EPS8: variants seen among roughly 807,000 people sequenced by gnomAD.
The protein encoded by EPS8 is EGFR pathway substrate 8, signaling adaptor.
EPS8 carries 42 observed loss-of-function variants against 103.8 expected under a neutral mutation model. That is an observed-to-expected ratio of 0.40 (90% CI 0.32 to 0.52). EPS8 has a LOEUF of 0.52. Among genes scored for constraint, EPS8 ranks in the 20% least tolerant of loss-of-function variants. The pLI is 0.40. For synonymous variants in EPS8, 344 were observed against 344.6 expected, an observed-to-expected ratio of 1.00 and a Z score of 0.02; for missense variants, 969 against 1,005.1, an observed-to-expected ratio of 0.96 and a Z score of 0.49.
chr12:15,652,627 T>C (rs1209287692), intron 13 of EPS8, among the ~76,000 whole-genome samples: 1 of 152,212 alleles, frequency 6.6e-6, no homozygotes, highest in Non-Finnish European at 1.5e-5. Flanking sequence ...AACCAGTTTT[T>C]ATACAGTATA....
intron 3 of EPS8, among the ~76,000 whole-genome samples, chr12:15,673,997 C>A (rs1413213247): frequency 1.3e-5 from 2 of 152,058 alleles, no homozygotes; most frequent in Non-Finnish European, 2.9e-5. Flanking sequence ...ATTCAGTAAC[C>A]AACGATGAAA....
intron 17 of EPS8, among the ~76,000 whole-genome samples, chr12:15,637,113 T>C (rs1382465187): frequency 6.6e-6 from 1 of 152,226 alleles, no homozygotes; most frequent in Admixed American, 6.5e-5. Context: ...CCCTGCCTCC[T>C]GGGTTCAAGC....
chr12:15,774,124 T>C (rs887815425), intron 1 of EPS8, among the ~76,000 whole-genome samples: 13 of 151,752 alleles, frequency 8.6e-5, no homozygotes, highest in African/African-American at 2.9e-4. Flanking sequence ...TCTTCAAAAA[T>C]AACTAATTTT....
chr12:15,707,171 C>T (rs1946398447), intron 1 of EPS8, among the ~76,000 whole-genome samples: 1 of 152,134 alleles, frequency 6.6e-6, no homozygotes, highest in Admixed American at 6.5e-5. Context: ...GGGAACAAGT[C>T]TAACTTTTTT....
intron 6 of EPS8, among the ~76,000 whole-genome samples, chr12:15,667,212 G>T (rs80279996): frequency 0.062 from 9,407 of 151,988 alleles, 719 homozygotes; most frequent in African/African-American, 0.18. Context: ...TCTATGTTTG[G>T]GCCTCCCTGT....
chr12:15,771,797 T>C lies in EPS8; in HGVS notation c.-22+17364A>G, dbSNP rs1466389105. Among the ~76,000 whole-genome samples, 1 of 152,002 alleles carries C rather than the reference T, an allele frequency of 6.6e-6. No individual in the cohort carries two copies. The highest frequency in any genetic ancestry group is 1.5e-5 in the Non-Finnish European group (1 of 68,000). ...GTGGCTAACTCATTACAAAGAATTC[T>C]TTGTGGCAGTATTGAGAGCTAATTT... On this transcript the variant is annotated intron_variant, in intron 1 of 20. Transcript: ENST00000281172. The surrounding 1 kb of genome is among the most constrained non-coding windows in gnomAD (Gnocchi z 4.6).
At chr12:15,636,197 C>T (rs1945131244) in intron 17 of EPS8, among the ~76,000 whole-genome samples, 1 of 152,032 alleles carries the variant, frequency 6.6e-6, no homozygotes, top group Non-Finnish European at 1.5e-5. Context: ...GGAGAAAGAA[C>T]CCTGGATGTC....
chr12:15,701,648 T>C lies in EPS8; in HGVS notation c.-21-18676A>G, dbSNP rs1405106592. Among the ~76,000 whole-genome samples, 3 of 152,222 alleles carry C rather than the reference T, an allele frequency of 2.0e-5. No homozygotes were observed. The highest frequency in any genetic ancestry group is 4.4e-5 in the Non-Finnish European group (3 of 68,032). On this transcript the variant is annotated intron_variant, in intron 1 of 20. Transcript: ENST00000281172. The surrounding 1 kb of genome is among the most constrained non-coding windows in gnomAD (Gnocchi z 5.1). ...AGTACAAATAATACCAAGTCTTCAA[T>C]CTGAAAGAACAACTACTTGGATAAG...
Position 15,647,562 on chromosome 12 carries a change from G to A in EPS8, c.1435-302C>T, listed in dbSNP as rs577389951. 8.5e-5 allele frequency among the ~76,000 whole-genome samples: 13 copies of A among 152,060 alleles called. No individual in the cohort carries two copies. In the South Asian group the frequency reaches 1.2e-3, roughly 15 times the overall value. On this transcript the variant is annotated intron_variant, in intron 14 of 20. Transcript: ENST00000281172. ...GAACCCTATGCATTAAAATTATACC[G>A]GCTTCTCATTTTTCTCAATTTCAAA...
rs74493484 is a variant in EPS8, at chr12:15,668,611, T to C, written c.516+776A>G. On this transcript the variant is annotated intron_variant, in intron 6 of 20. Coordinates refer to ENST00000281172, the MANE Select transcript of EPS8 (RefSeq NM_004447.6). The stretch of plus-strand genomic sequence containing the variant: ...GAAACTTTCAGGATATAGCCTGTTA[T>C]TACTGGCTCAACTATTTTCACATAT... Among the ~76,000 whole-genome samples the C allele has an allele frequency of 2.3e-3, 343 of 152,352 alleles. 13 individuals carry two copies. The East Asian group carries it at 0.059, about 26-fold the overall frequency.
At chr12:15,658,736 A>G in intron 10 of EPS8, 151 bp from the exon 11 acceptor site, 1 of 620,382 alleles carries the variant, frequency 1.6e-6, no homozygotes, top group South Asian at 2.1e-5. Context: ...GTCTGACTGT[A>G]ACAAACTGAG....
chr12:15,788,822 G>T (rs1347814947), intron 1 of EPS8, among the ~76,000 whole-genome samples: 1 of 152,106 alleles, frequency 6.6e-6, no homozygotes, highest in South Asian at 2.1e-4. Flanking sequence ...GTCTGCAGTC[G>T]CCCCACGGAC....
Position 15,751,266 on chromosome 12 carries a change from G to A in EPS8, c.-22+37895C>T, listed in dbSNP as rs559041203. Among the ~76,000 whole-genome samples the A allele has an allele frequency of 7.9e-5, 12 of 152,270 alleles. No individual in the cohort carries two copies. In the South Asian group the frequency reaches 1.2e-3, roughly 16 times the overall value. On this transcript the variant is annotated intron_variant, in intron 1 of 20. Transcript: ENST00000281172. The surrounding 1 kb of genome is among the most constrained non-coding windows in gnomAD (Gnocchi z 4.3). The stretch of plus-strand genomic sequence containing the variant: ...CCAGCTACTAGCAAGGCTGAGGCAG[G>A]AGAATCGCTTGAACCTGGGAGATAA...
rs952998670 is a variant in EPS8 at position 15,772,001 on chromosome 12, G to A, written c.-22+17160C>T. On this transcript the variant is annotated intron_variant, in intron 1 of 20. Coordinates refer to ENST00000281172, the MANE Select transcript of EPS8 (RefSeq NM_004447.6). This position sits in a 1 kb window ranked among gnomAD's most constrained non-coding sequence, Gnocchi z 5.0. ...TAGCAGGGCATAGTGGCGGGCGCCC[G>A]TAGTCTTCATTTGTACCACCCTAAT... Among the ~76,000 whole-genome samples the A allele has an allele frequency of 2.6e-5, 4 of 151,922 alleles. No homozygotes were observed. Among genetic ancestry groups the A allele is most frequent in the Middle Eastern group, 3.2e-3 (1 of 316 alleles).
chr12:15,722,392 T>TA (rs1300586153), intron 1 of EPS8, among the ~76,000 whole-genome samples: 1 of 152,116 alleles, frequency 6.6e-6, no homozygotes, highest in East Asian at 1.9e-4. Flanking sequence ...ATATTTATCA[T>TA]AAAAATCTGC....
At chr12:15,788,492 G>A (rs905461037) in intron 1 of EPS8, among the ~76,000 whole-genome samples, 6 of 152,140 alleles carry the variant, frequency 3.9e-5, no homozygotes, top group Non-Finnish European at 7.3e-5. Flanking sequence ...AAGTAAGAGT[G>A]AGAACATCGG....
chr12:15,743,833 T>C (rs1344937096), intron 1 of EPS8, among the ~76,000 whole-genome samples: 1 of 152,158 alleles, frequency 6.6e-6, no homozygotes, highest in Non-Finnish European at 1.5e-5. Context: ...GGCAATACCA[T>C]TCAGGCCATA....
intron 12 of EPS8, among the ~76,000 whole-genome samples, chr12:15,654,684 C>T (rs1000320274): frequency 2.0e-5 from 3 of 151,986 alleles, no homozygotes; most frequent in Admixed American, 6.6e-5. Context: ...TTGAAAAATG[C>T]GGTTCCCGAA....
intron 1 of EPS8, among the ~76,000 whole-genome samples, chr12:15,788,796 G>A (rs1405520099): frequency 4.6e-5 from 7 of 152,182 alleles, no homozygotes; most frequent in African/African-American, 1.4e-4. Context: ...GTAATAAGCC[G>A]AGATCGGGAT....
Sources: allele counts gnomAD v4.1 joint callset (sites outside exome capture counted in the v4.1 genomes callset), GRCh38; gene constraint gnomAD v4.1.1; non-coding constraint Gnocchi (gnomAD v3.1); transcripts MANE v1.5; gene names NCBI Gene and HGNC (gene_info 2026-07-23, HGNC 2026-07-21).